The following RFX7 variants were observed in gnomAD, a reference collection of about 807,000 sequenced individuals.
RFX7 encodes the protein DNA-binding protein RFX7.
RFX7 carries 26 observed loss-of-function variants against 111.8 expected under a neutral mutation model. The ratio of observed to expected loss-of-function variants is 0.23; its 90% CI spans 0.17 to 0.32. RFX7 has a LOEUF of 0.32. RFX7 is among the 10% of genes least tolerant of loss of function. The probability of loss-of-function intolerance (pLI) is 1.00; values close to 1 mark genes in which losing one functional copy is unlikely to be tolerated. For synonymous variants in RFX7, 624 were observed against 624.4 expected (o/e 1.00, Z 0.01); for missense variants, 1,573 against 1,772.9 (o/e 0.89, Z 2.02).
At chr15:56,140,482 C>G (rs911197908) in intron 5 of RFX7, among the ~76,000 whole-genome samples, 1 of 152,220 alleles carries the variant, frequency 6.6e-6, no homozygotes, top group Non-Finnish European at 1.5e-5. Context: ...GGCTGGCGCA[C>G]GGTGCACGCA....
intron 5 of RFX7, among the ~76,000 whole-genome samples, chr15:56,113,032 G>C (rs1441639747): frequency 5.9e-5 from 9 of 152,184 alleles, no homozygotes; most frequent in African/African-American, 1.9e-4. Context: ...GGAGAAATAG[G>C]AACACTTTTA....
At chr15:56,102,058 T>C (rs1026015141) in intron 7 of RFX7, 111 bp downstream of exon 7, 23 of 750,216 alleles carry the variant, frequency 3.1e-5, no homozygotes, top group Non-Finnish European at 4.7e-5. Context: ...TTTTCTTATT[T>C]GTAAAAGGCA....
chr15:56,215,629 T>C (rs1410895625), intron 2 of RFX7, among the ~76,000 whole-genome samples: 1 of 152,224 alleles, frequency 6.6e-6, no homozygotes, highest in African/African-American at 2.4e-5. Flanking sequence ...CCTATGTTTA[T>C]GAGTGGGATA....
intron 5 of RFX7, among the ~76,000 whole-genome samples, chr15:56,137,856 C>G (rs866701171): frequency 6.6e-6 from 1 of 151,934 alleles, no homozygotes; most frequent in Non-Finnish European, 1.5e-5. Context: ...TTATTTCTGC[C>G]TTCATTTCAT....
intron 5 of RFX7, among the ~76,000 whole-genome samples, chr15:56,133,064 A>G (rs561800882): frequency 1.3e-5 from 2 of 152,264 alleles, no homozygotes; most frequent in African/African-American, 4.8e-5. Context: ...CAGGTGCTAA[A>G]TTTCTTCTTT....
rs1189859740 is a variant in RFX7, at chr15:56,087,961, T to C, written c.*5384A>G. 1 of 359,244 alleles carries C rather than the reference T, an allele frequency of 2.8e-6. No homozygotes were observed. Among genetic ancestry groups the C allele is most frequent in the Admixed American group, 3.9e-5 (1 of 25,746 alleles). 22.3% of individuals were successfully genotyped at this position (359,244 alleles called of 1,614,324 possible). ...TGGAAAACAAAATTTTGTTTTTAAA[T>C]CTTCATTCTCCTAATACATCAGGGT... On this transcript the variant is annotated 3_prime_UTR_variant, in exon 10 of 10. Coordinates refer to ENST00000559447, the MANE Select transcript of RFX7 (RefSeq NM_022841.7).
At chr15:56,186,176 G>A (rs560654086) in intron 2 of RFX7, among the ~76,000 whole-genome samples, 11 of 152,220 alleles carry the variant, frequency 7.2e-5, no homozygotes, top group African/African-American at 2.4e-4. Context: ...GAAACTTCCT[G>A]GGTCTGTCTG....
At chr15:56,161,095 T>C (rs760979842) in intron 3 of RFX7, among the ~76,000 whole-genome samples, 2 of 151,918 alleles carry the variant, frequency 1.3e-5, no homozygotes, top group Non-Finnish European at 2.9e-5. Flanking sequence ...AGATAAGGAG[T>C]ATGATCTGAG....
In RFX7 at chr15:56,137,359, A is replaced by C. The variant is rs540604856; in HGVS notation, c.401+5419T>G. On this transcript the variant is annotated intron_variant, in intron 5 of 9. Transcript: ENST00000559447. Reference sequence around the variant, plus strand: ...TTAGTCTTGGGAGAGTGTATGTGTCAAGGAATTTATCCATTTCTTCTAGAT... The same window carrying C: ...TTAGTCTTGGGAGAGTGTATGTGTCCAGGAATTTATCCATTTCTTCTAGAT... 3.2e-3 allele frequency among the ~76,000 whole-genome samples: 482 copies of C among 152,220 alleles called. 2 individuals carry two copies. Among genetic ancestry groups the C allele is most frequent in the African/African-American group, 0.011 (456 of 41,556 alleles).
At chr15:56,225,099 T>C (rs1211919951) in intron 2 of RFX7, among the ~76,000 whole-genome samples, 1 of 152,154 alleles carries the variant, frequency 6.6e-6, no homozygotes, top group Non-Finnish European at 1.5e-5. Context: ...TATTACTGAA[T>C]GTAACATTTT....
chr15:56,239,277 AT>A (rs36095815), intron 2 of RFX7, among the ~76,000 whole-genome samples: 17 of 149,402 alleles, frequency 1.1e-4, no homozygotes, highest in South Asian at 4.2e-4. Flanking sequence ...TTTTTATACA[AT>A]TTTTTTTTTA....
intron 3 of RFX7, among the ~76,000 whole-genome samples, chr15:56,155,429 C>G (rs1403355213): frequency 1.3e-5 from 2 of 152,108 alleles, no homozygotes; most frequent in East Asian, 3.9e-4. Context: ...GAATACTATA[C>G]AGCCATAAAA....
chr15:56,116,772 A>C (rs2042013898), intron 5 of RFX7, among the ~76,000 whole-genome samples: 1 of 152,232 alleles, frequency 6.6e-6, no homozygotes, highest in Admixed American at 6.5e-5. Context: ...GTATATATTC[A>C]CAAGTGGGAT....
chr15:56,159,366 C>G (rs2141078430), intron 3 of RFX7, among the ~76,000 whole-genome samples: 1 of 152,302 alleles, frequency 6.6e-6, no homozygotes, highest in East Asian at 1.9e-4. Context: ...TCTCCACTAA[C>G]TTGGTTGGAA....
intron 2 of RFX7, among the ~76,000 whole-genome samples, chr15:56,233,617 A>G (rs763450570): frequency 2.0e-5 from 3 of 152,232 alleles, no homozygotes; most frequent in African/African-American, 4.8e-5. Context: ...AGGAAAAGTG[A>G]TATCTACTAT....
chr15:56,117,862 C>G (rs2031018358), intron 5 of RFX7, among the ~76,000 whole-genome samples: 1 of 152,050 alleles, frequency 6.6e-6, no homozygotes, highest in Admixed American at 6.5e-5. Context: ...TCTTTATTCA[C>G]TCATCTGTTG....
chr15:56,110,107 C>T (rs1313244792), intron 5 of RFX7, among the ~76,000 whole-genome samples: 2 of 132,702 alleles, frequency 1.5e-5, no homozygotes, highest in African/African-American at 3.2e-5. Flanking sequence ...GTCAGCCCCC[C>T]GCCCGGCCAG....
At chr15:56,121,660 T>C (rs916430173) in intron 5 of RFX7, among the ~76,000 whole-genome samples, 23 of 152,202 alleles carry the variant, frequency 1.5e-4, no homozygotes, top group African/African-American at 5.3e-4. Context: ...CAATAGCTCT[T>C]AGATTTGGCT....
intron 2 of RFX7, among the ~76,000 whole-genome samples, chr15:56,232,973 T>C (rs12595428): frequency 0.13 from 20,310 of 152,258 alleles, 1,732 homozygotes; most frequent in East Asian, 0.44. Context: ...CACATTTTCC[T>C]ATCTTCTTCT....
Sources: gnomAD v4.1 joint callset for allele counts (sites outside exome capture counted in the v4.1 genomes callset) on GRCh38, gnomAD v4.1.1 for gene constraint, MANE v1.5 for transcripts, NCBI Gene and HGNC (gene_info 2026-07-23, HGNC 2026-07-21) for gene names.